The following ZNF248 variants were observed in gnomAD, a reference collection of about 807,000 sequenced individuals.
ZNF248 encodes the protein zinc finger protein 248, also known as KRAB protein domain.
A neutral mutation model predicts 44.3 loss-of-function variants in ZNF248; 20 were observed. The observed-to-expected ratio is 0.45, with a 90% CI of 0.32 to 0.66. The LOEUF (loss-of-function observed/expected upper bound fraction) is 0.66, where lower values mean the gene tolerates loss of function less well. Ranked by LOEUF, ZNF248 falls within the 30% of genes least tolerant of loss-of-function variation. The pLI is 0.04. For synonymous variants in ZNF248, 224 were observed against 229.0 expected (o/e 0.98, Z 0.20); for missense variants, 654 against 677.0 (o/e 0.97, Z 0.38).
chr10:37,802,671 C>T (rs2049971828), intron 6 of ZNF248, among the ~76,000 whole-genome samples: 1 of 152,084 alleles, frequency 6.6e-6, no homozygotes, highest in Non-Finnish European at 1.5e-5. Flanking sequence ...AGTACTTGTC[C>T]CTTCAGTTCG....
At chr10:37,784,662 A>G (rs575227189) in intron 6 of ZNF248, among the ~76,000 whole-genome samples, 5 of 152,324 alleles carry the variant, frequency 3.3e-5, no homozygotes, top group Non-Finnish European at 1.5e-5. Context: ...ACTAGATAGC[A>G]GCATATATTG....
chr10:37,784,226 T>C (rs1240838723), intron 6 of ZNF248: 1 of 152,310 alleles, frequency 6.6e-6, no homozygotes, highest in Non-Finnish European at 1.5e-5. Context: ...GAACCCAAAA[T>C]GCCACCATTA....
chr10:37,849,964 TGGAGGCTGAGGCA>T (rs1350474356), intron 3 of ZNF248, among the ~76,000 whole-genome samples: 2 of 149,958 alleles, frequency 1.3e-5, no homozygotes, highest in African/African-American at 4.9e-5. Context: ...CCAGCTACTC[TGGAGGCTGAGGCA>T]GGAGAATTGC....
intron 6 of ZNF248, among the ~76,000 whole-genome samples, chr10:37,799,980 G>A (rs2049602919): frequency 6.6e-6 from 1 of 152,024 alleles, no homozygotes; most frequent in East Asian, 1.9e-4. Context: ...GGCTGAGGTA[G>A]GAGGATTGCT....
At chr10:37,775,827 C>T (rs2046542592), downstream of ZNF248, among the ~76,000 whole-genome samples, 1 of 152,158 alleles carries the variant, frequency 6.6e-6, no homozygotes, top group South Asian at 2.1e-4. Context: ...GGTGGGAGTG[C>T]TTTGGGGAAA....
chr10:37,811,772 G>A (rs909535660), intron 6 of ZNF248, among the ~76,000 whole-genome samples: 1 of 152,088 alleles, frequency 6.6e-6, no homozygotes, highest in Non-Finnish European at 1.5e-5. Context: ...TTTGAGCCAG[G>A]GAGGTCAAGG....
At chr10:37,774,642 C>T (rs938372647), downstream of ZNF248, among the ~76,000 whole-genome samples, 4 of 152,148 alleles carry the variant, frequency 2.6e-5, no homozygotes, top group Non-Finnish European at 2.9e-5. Flanking sequence ...GAACAAACAG[C>T]GTGGCAATCA....
At chr10:37,792,340 T>C (rs2048657391) in intron 6 of ZNF248, among the ~76,000 whole-genome samples, 1 of 151,964 alleles carries the variant, frequency 6.6e-6, no homozygotes. Context: ...AAGAATAAAA[T>C]AAATATCCAT....
At chr10:37,763,192 G>A in the ZNF248 span, among the ~76,000 whole-genome samples, 4 of 152,204 alleles carry the variant, frequency 2.6e-5, no homozygotes, top group Non-Finnish European at 5.9e-5. Flanking sequence ...CTGGACAAGG[G>A]CCCTGAGCTT....
chr10:37,792,630 A>C (rs1048297677), intron 6 of ZNF248, among the ~76,000 whole-genome samples: 1 of 152,222 alleles, frequency 6.6e-6, no homozygotes, highest in Non-Finnish European at 1.5e-5. Flanking sequence ...TCATGTTGGT[A>C]TCATGCACAC....
Position 37,838,086 on chromosome 10 carries a change from C to G in ZNF248, c.41G>C (p.Cys14Ser). 6.2e-7 allele frequency: 1 copy of G among 1,613,264 alleles called. No individual in the cohort carries two copies. ...SQEQVSFKDV[C>S]VDFTQEEWYL... is the part of the protein sequence containing the mutation. Reference sequence around the variant, plus strand: ...CCACTCTTCCTGAGTGAAGTCCACACATACATCCTTGAATGACACTTGTTC... The same window carrying G: ...CCACTCTTCCTGAGTGAAGTCCACAGATACATCCTTGAATGACACTTGTTC... The change falls in exon 4 of 6, where the codon TGT becomes TCT. Residue 14 changes from cysteine (C) to serine (S), a missense_variant. By Grantham distance (112) the Cys-to-Ser change is moderately radical (BLOSUM62 -1). Transcript: ENST00000395867.
the ZNF248 span, among the ~76,000 whole-genome samples, chr10:37,762,111 G>A: frequency 3.9e-5 from 6 of 152,164 alleles, no homozygotes; most frequent in Non-Finnish European, 7.3e-5. Context: ...TTCAAAATTA[G>A]GGTGAACTAA....
the ZNF248 span, among the ~76,000 whole-genome samples, chr10:37,766,377 C>G: frequency 2.0e-5 from 3 of 152,178 alleles, no homozygotes; most frequent in Admixed American, 1.3e-4. Context: ...CAGACTGACA[C>G]CTCACATGGC....
intron 6 of ZNF248, among the ~76,000 whole-genome samples, chr10:37,786,357 A>C (rs1051256178): frequency 6.6e-6 from 1 of 152,160 alleles, no homozygotes; most frequent in African/African-American, 2.4e-5. Context: ...TCATTCCCAA[A>C]TTATGTGGGA....
rs2060204360 is a variant in ZNF248 at position 37,851,430 on chromosome 10, C to G, written c.15+4866G>C. 3.3e-5 allele frequency among the ~76,000 whole-genome samples: 5 copies of G among 152,102 alleles called. No homozygotes were observed. In the South Asian group the frequency reaches 1.0e-3, roughly 32 times the overall value. ...GTTGCCAGCCTTAGAGATTCCAAGC[C>G]CCTTTCCTTTGTCTTAACGTTTCTC... On this transcript the variant is annotated intron_variant, in intron 3 of 5. Coordinates refer to ENST00000395867, the MANE Select transcript of ZNF248 (RefSeq NM_021045.3).
downstream of ZNF248, among the ~76,000 whole-genome samples, chr10:37,771,737 C>A (rs1327506782): frequency 6.6e-6 from 1 of 152,008 alleles, no homozygotes; most frequent in Non-Finnish European, 1.5e-5. Context: ...AACAAACCTG[C>A]ACATTGTGCA....
At chr10:37,852,120 G>A (rs892527404) in intron 3 of ZNF248, among the ~76,000 whole-genome samples, 5 of 152,102 alleles carry the variant, frequency 3.3e-5, no homozygotes, top group African/African-American at 9.6e-5. Context: ...GGTGGTGCAT[G>A]CCTGTAATCC....
At chr10:37,780,858 C>T (rs1717491308) in intron 6 of ZNF248, among the ~76,000 whole-genome samples, 1 of 152,162 alleles carries the variant, frequency 6.6e-6, no homozygotes, top group Admixed American at 6.5e-5. Context: ...GCTGAATCCG[C>T]TCCCGGAGTG....
Position 37,830,934 on chromosome 10 carries a change from C to T in ZNF248, c.*681G>A, listed in dbSNP as rs1266355910. On this transcript the variant is annotated 3_prime_UTR_variant, in exon 6 of 6. Transcript: ENST00000395867. Reference sequence around the variant, plus strand: ...AATAATGACTGCTTTTAATAACTGGCTCACAAAATTCCTTAAAATTTAACA... The same window carrying T: ...AATAATGACTGCTTTTAATAACTGGTTCACAAAATTCCTTAAAATTTAACA... 1 of 319,860 alleles carries T rather than the reference C, an allele frequency of 3.1e-6. No homozygotes were observed. Among genetic ancestry groups the T allele is most frequent in the African/African-American group, 2.2e-5 (1 of 45,216 alleles). The allele number at this position is 319,860 out of a possible 1,614,324, so 19.8% of individuals were successfully genotyped here.
Sources: allele counts gnomAD v4.1 joint callset (sites outside exome capture counted in the v4.1 genomes callset), GRCh38; gene constraint gnomAD v4.1.1; transcripts MANE v1.5; gene names NCBI Gene and HGNC (gene_info 2026-07-23, HGNC 2026-07-21).